BICRA: variants seen among roughly 807,000 people sequenced by gnomAD.
BICRA encodes the protein BRD4 interacting chromatin remodeling complex associated protein, also known as BRD4-interacting chromatin-remodeling complex-associated protein.
A neutral mutation model predicts 96.9 loss-of-function variants in BICRA; 31 were observed. The observed-to-expected ratio is 0.32, with a 90% CI of 0.24 to 0.43. The LOEUF (loss-of-function observed/expected upper bound fraction) is 0.43. Among genes scored for constraint, BICRA ranks in the 20% least tolerant of loss-of-function variants. The pLI is 1.00. For missense variants in BICRA, 2,283 were observed against 2,190.3 expected (o/e 1.04, Z -0.84); for synonymous variants, 1,350 against 1,071.8 (o/e 1.26, Z -5.07).
intron 1 of BICRA, among the ~76,000 whole-genome samples, chr19:47,613,085 C>G (rs935618834): frequency 6.6e-6 from 1 of 152,052 alleles, no homozygotes; most frequent in African/African-American, 2.4e-5. Flanking sequence ...AGAGGGTCTC[C>G]CGGCTGACTT....
intron 5 of BICRA, among the ~76,000 whole-genome samples, chr19:47,676,237 TGTGGGGTTCACAG>T (rs1482643502): frequency 1.3e-5 from 2 of 151,936 alleles, no homozygotes; most frequent in Non-Finnish European, 2.9e-5. Flanking sequence ...GGATGTGGGT[TGTGGGGTTCACAG>T]GGGCACTCCT....
At chr19:47,625,298 C>T (rs1599788710) in intron 1 of BICRA, among the ~76,000 whole-genome samples, 2 of 136,250 alleles carry the variant, frequency 1.5e-5, no homozygotes, top group Non-Finnish European at 1.6e-5. Flanking sequence ...CCAACCTGGC[C>T]TTTTTTTTTT....
intron 1 of BICRA, among the ~76,000 whole-genome samples, chr19:47,666,954 T>A (rs1467997600): frequency 6.6e-6 from 1 of 152,106 alleles, no homozygotes; most frequent in Non-Finnish European, 1.5e-5. Context: ...AACACTCACA[T>A]AACCACACCT....
chr19:47,649,642 C>T (rs1972513828), intron 1 of BICRA, among the ~76,000 whole-genome samples: 1 of 152,124 alleles, frequency 6.6e-6, no homozygotes, highest in African/African-American at 2.4e-5. Context: ...AGAAGGAGAA[C>T]CAGGCACATT....
At chr19:47,615,135 C>T (rs1971964123) in intron 1 of BICRA, among the ~76,000 whole-genome samples, 1 of 152,174 alleles carries the variant, frequency 6.6e-6, no homozygotes, top group Non-Finnish European at 1.5e-5. Context: ...AGGTGCACGC[C>T]ACCACGCCCA....
chr19:47,673,418 G>A (rs1972895115), intron 2 of BICRA, among the ~76,000 whole-genome samples, 152 bp from the exon 3 acceptor site: 1 of 152,028 alleles, frequency 6.6e-6, no homozygotes, highest in East Asian at 1.9e-4. Context: ...GGGCACCTGG[G>A]AGGTATTCCT....
chr19:47,616,962 A>G (rs1971994283), intron 1 of BICRA, among the ~76,000 whole-genome samples: 1 of 151,062 alleles, frequency 6.6e-6, no homozygotes, highest in African/African-American at 2.4e-5. Context: ...CCGAGTAGCT[A>G]TGGCTACAGA....
At chr19:47,612,025 C>T (rs1028496824) in intron 1 of BICRA, among the ~76,000 whole-genome samples, 10 of 152,050 alleles carry the variant, frequency 6.6e-5, no homozygotes, top group African/African-American at 2.4e-4. Context: ...CACCCACCAC[C>T]ACACCTGGCT....
chr19:47,702,697 A>C lies in BICRA; in HGVS notation c.*282A>C. ...CCTGTTTCTTCCCATTTCCTGGCACACTCTGCCCCTCTGTCCGGGGGACAC... is the reference window on the plus strand; with the variant it reads ...CCTGTTTCTTCCCATTTCCTGGCACCCTCTGCCCCTCTGTCCGGGGGACAC... On this transcript the variant is annotated 3_prime_UTR_variant, in exon 15 of 15. Coordinates refer to ENST00000594866, the MANE Select transcript of BICRA (RefSeq NM_001394372.1). 1 of 469,480 alleles carries C rather than the reference A, an allele frequency of 2.1e-6. No homozygotes were observed. The highest frequency in any genetic ancestry group is 3.7e-6 in the Non-Finnish European group (1 of 268,562). The allele number at this position is 469,480 out of a possible 1,614,324, so 29.1% of individuals were successfully genotyped here.
At chr19:47,672,600 G>GATGGATGGAGGC (rs1381335853) in intron 2 of BICRA, among the ~76,000 whole-genome samples, 298 of 152,048 alleles carry the variant, frequency 2.0e-3, no homozygotes, top group African/African-American at 6.8e-3. Context: ...TGGATGGATG[G>GATGGATGGAGGC]AGGCAGGGAA....
chr19:47,614,055 CAGG>C (rs1015716975), intron 1 of BICRA, among the ~76,000 whole-genome samples: 4 of 151,636 alleles, frequency 2.6e-5, no homozygotes, highest in African/African-American at 9.7e-5. Flanking sequence ...GGACACAGTC[CAGG>C]AGGAGGAGAG....
At chr19:47,663,930 A>T (rs189209570) in intron 1 of BICRA, 1 of 152,136 alleles carries the variant, frequency 6.6e-6, no homozygotes, top group South Asian at 2.1e-4. Flanking sequence ...CCTGGTCACA[A>T]CCTGCTAATT....
intron 1 of BICRA, among the ~76,000 whole-genome samples, chr19:47,651,438 A>G (rs1045587892): frequency 1.1e-4 from 16 of 151,954 alleles, no homozygotes; most frequent in African/African-American, 3.6e-4. Flanking sequence ...TACCTCCTGC[A>G]CATCCTGTAT....
intron 1 of BICRA, among the ~76,000 whole-genome samples, chr19:47,639,116 A>G (rs545160681): frequency 6.6e-6 from 1 of 151,218 alleles, no homozygotes; most frequent in African/African-American, 2.4e-5. Context: ...TGATCCTCCC[A>G]TCTCAGCCTC....
At chr19:47,623,832 CTT>C (rs1384258950) in intron 1 of BICRA, among the ~76,000 whole-genome samples, 2 of 149,246 alleles carry the variant, frequency 1.3e-5, no homozygotes, top group South Asian at 2.1e-4. Context: ...AGGAAGTGTT[CTT>C]TCTCTCTCTC....
At chr19:47,673,797 T>TG (rs745321979) in intron 4 of BICRA, 35 bp downstream of exon 4, 29 of 1,565,532 alleles carry the variant, frequency 1.9e-5, no homozygotes, top group African/African-American at 2.7e-5. Context: ...ATTCCCTGAG[T>TG]GGGGGGCTGT....
chr19:47,651,299 C>T (rs1972536868), intron 1 of BICRA, among the ~76,000 whole-genome samples: 1 of 152,134 alleles, frequency 6.6e-6, no homozygotes, highest in Non-Finnish European at 1.5e-5. Flanking sequence ...CATGCCTACT[C>T]ATGCTCACGC....
chr19:47,640,540 A>AG (rs1972369035), intron 1 of BICRA, among the ~76,000 whole-genome samples: 1 of 151,870 alleles, frequency 6.6e-6, no homozygotes, highest in Non-Finnish European at 1.5e-5. Flanking sequence ...AAGAAAAAAA[A>AG]AAAAAAAAAA....
At chr19:47,620,199 C>T (rs1389231965) in intron 1 of BICRA, among the ~76,000 whole-genome samples, 1 of 152,132 alleles carries the variant, frequency 6.6e-6, no homozygotes, top group Non-Finnish European at 1.5e-5. Context: ...AGGCTCCAAA[C>T]TGCAGAAGAT....
Sources: gnomAD v4.1 joint callset for allele counts (sites outside exome capture counted in the v4.1 genomes callset) on GRCh38, gnomAD v4.1.1 for gene constraint, MANE v1.5 for transcripts, NCBI Gene and HGNC (gene_info 2026-07-23, HGNC 2026-07-21) for gene names.